PIP5K1C: variants seen among roughly 807,000 people sequenced by gnomAD.
The protein encoded by PIP5K1C is phosphatidylinositol 4-phosphate 5-kinase type-1 gamma.
Under a neutral mutation model 80.1 loss-of-function variants are expected in PIP5K1C, and 45 were observed. The ratio of observed to expected loss-of-function variants is 0.56; its 90% CI spans 0.44 to 0.72. The LOEUF is 0.72. PIP5K1C is among the 30% of genes least tolerant of loss of function. The probability of loss-of-function intolerance (pLI) is 0.00; values close to 1 mark genes in which losing one functional copy is unlikely to be tolerated. For missense variants in PIP5K1C, 753 were observed against 954.6 expected (o/e 0.79, Z 2.78); for synonymous variants, 498 against 420.1 (o/e 1.19, Z -2.27).
intron 15 of PIP5K1C, 47 bp downstream of exon 15, chr19:3,641,658 G>T: frequency 1.4e-6 from 2 of 1,434,906 alleles, no homozygotes; most frequent in Non-Finnish European, 1.9e-6. Flanking sequence ...GCTCCTCTGG[G>T]CCCGCAGCAG....
intron 3 of PIP5K1C, among the ~76,000 whole-genome samples, chr19:3,662,757 G>A (rs991422384): frequency 6.6e-6 from 1 of 152,128 alleles, no homozygotes; most frequent in Non-Finnish European, 1.5e-5. Flanking sequence ...GTAGAGACGG[G>A]GTTTCACCAT....
At chr19:3,654,064 C>T (rs1290569754) in intron 6 of PIP5K1C, among the ~76,000 whole-genome samples, 2 of 152,322 alleles carry the variant, frequency 1.3e-5, no homozygotes, top group East Asian at 1.9e-4. Flanking sequence ...TGCAACGGTG[C>T]GATCACAGCT....
At position 3,698,729 on chromosome 19, in the gene PIP5K1C, C is replaced by T. The variant is rs868807508; in HGVS notation, c.94+1568G>A. On this transcript the variant is annotated intron_variant, in intron 1 of 17. Transcript: ENST00000335312. Reference sequence around the variant, plus strand: ...ATCTCGGTGAAGAACAAGCAGGCCCCTTTATGTGCTCACGTCTCTGTGGCC... The same window carrying T: ...ATCTCGGTGAAGAACAAGCAGGCCCTTTTATGTGCTCACGTCTCTGTGGCC... Among the ~76,000 whole-genome samples, 8 of 152,128 alleles carry T rather than the reference C, an allele frequency of 5.3e-5. 1 individual carries two copies. The South Asian group carries it at 8.3e-4, about 16-fold the overall frequency.
intron 5 of PIP5K1C, among the ~76,000 whole-genome samples, chr19:3,660,066 C>T (rs921368911): frequency 1.4e-4 from 21 of 152,136 alleles, no homozygotes; most frequent in African/African-American, 4.8e-4. Flanking sequence ...GGTTGGATGC[C>T]GGGGCTCACG....
chr19:3,660,650 C>T (rs1427752972), intron 5 of PIP5K1C, among the ~76,000 whole-genome samples: 1 of 152,200 alleles, frequency 6.6e-6, no homozygotes, highest in East Asian at 1.9e-4. Context: ...CACCAGGCTG[C>T]AGAAGACTAT....
intron 8 of PIP5K1C, among the ~76,000 whole-genome samples, chr19:3,650,722 C>G (rs2034408186): frequency 6.6e-6 from 1 of 152,228 alleles, no homozygotes; most frequent in African/African-American, 2.4e-5. Context: ...ATGTGGCCTC[C>G]TCTCTCCACC....
At chr19:3,684,047 C>A (rs1342690853) in intron 1 of PIP5K1C, among the ~76,000 whole-genome samples, 2 of 152,016 alleles carry the variant, frequency 1.3e-5, no homozygotes, top group African/African-American at 4.8e-5. Flanking sequence ...CGGCCCCCAG[C>A]ACAGGAGAGG....
Position 3,700,426 on chromosome 19 carries a change from G to A in PIP5K1C, c.-36C>T, listed in dbSNP as rs569975073. ...GGACGGCGGCGGGGGCGCCCGAGGG[G>A]GACCCGAGCTGCGACCGCCGCCGCC... On this transcript the variant is annotated 5_prime_UTR_variant, in exon 1 of 18. Coordinates refer to ENST00000335312, the MANE Select transcript of PIP5K1C (RefSeq NM_012398.3). 145 of 1,043,070 alleles carry A rather than the reference G, an allele frequency of 1.4e-4. No individual in the cohort carries two copies. The African/African-American group carries it at 2.3e-3, about 16-fold the overall frequency. The allele number at this position is 1,043,070 out of a possible 1,614,324, so 64.6% of individuals were successfully genotyped here. A position where few individuals can be genotyped will look rare whatever the true frequency, so the allele number is the denominator to read the frequency against.
chr19:3,644,794 C>T (rs2034143209), intron 11 of PIP5K1C, among the ~76,000 whole-genome samples: 1 of 152,188 alleles, frequency 6.6e-6, no homozygotes, highest in Non-Finnish European at 1.5e-5. Flanking sequence ...ATGTCCCGCA[C>T]AGGGCCAGGC....
At position 3,656,567 on chromosome 19, in the gene PIP5K1C, G is replaced by C; in HGVS notation, c.469-10C>G. The C allele has an allele frequency of 6.2e-7, 1 of 1,613,128 alleles. No homozygotes were observed. Among genetic ancestry groups the C allele is most frequent in the Non-Finnish European group, 8.5e-7 (1 of 1,179,874 alleles). On this transcript the variant is annotated splice_polypyrimidine_tract_variant and intron_variant, in intron 5 of 17. Coordinates refer to ENST00000335312, the MANE Select transcript of PIP5K1C (RefSeq NM_012398.3). ...CATTGCACAGGGAGTACTGGAAGCA[G>C]AGGAGGCGGGTCAGCGGGCCCCAAG...
chr19:3,636,679 T>G (rs1240242952), intron 16 of PIP5K1C: 2 of 985,414 alleles, frequency 2.0e-6, no homozygotes. Flanking sequence ...GGGGAAGTGG[T>G]CTCCACCTCT....
Position 3,633,131 on chromosome 19 carries a change from G to A in PIP5K1C, c.*36C>T, listed in dbSNP as rs759540801. 2.6e-6 allele frequency: 2 copies of A among 757,326 alleles called. No homozygotes were observed. Among genetic ancestry groups the A allele is most frequent in the South Asian group, 2.8e-5 (2 of 71,272 alleles). The allele number at this position is 757,326 out of a possible 1,614,324, so 46.9% of individuals were successfully genotyped here. The stretch of plus-strand genomic sequence containing the variant: ...GCCTTCGGGGGCAGCCGGAGCAGAA[G>A]TGGAGCTCGGCTCTGGGTCGGGGGC... On this transcript the variant is annotated 3_prime_UTR_variant, in exon 18 of 18. Transcript: ENST00000335312.
At chr19:3,635,396 G>C (rs948929726) in intron 16 of PIP5K1C, among the ~76,000 whole-genome samples, 2 of 152,010 alleles carry the variant, frequency 1.3e-5, no homozygotes, top group African/African-American at 4.8e-5. Flanking sequence ...AAAATACAAA[G>C]ATTAAGGCCG....
Position 3,632,510 on chromosome 19 carries a change from G to A in PIP5K1C, c.*657C>T, listed in dbSNP as rs897087248. Reference sequence around the variant, plus strand: ...GAGGTTTTTGCTCGAGGGGCACCTGGGAGGTGGGCGTCAGGGCCCCACTGC... The same window carrying A: ...GAGGTTTTTGCTCGAGGGGCACCTGAGAGGTGGGCGTCAGGGCCCCACTGC... On this transcript the variant is annotated 3_prime_UTR_variant, in exon 18 of 18. Transcript: ENST00000335312. 1.3e-5 allele frequency: 2 copies of A among 152,386 alleles called. No homozygotes were observed. Among genetic ancestry groups the A allele is most frequent in the African/African-American group, 4.8e-5 (2 of 41,466 alleles). 9.4% of individuals were successfully genotyped at this position (152,386 alleles called of 1,614,324 possible).
intron 5 of PIP5K1C, among the ~76,000 whole-genome samples, chr19:3,656,903 C>T (rs4570993): frequency 0.54 from 81,843 of 152,106 alleles, 22,287 homozygotes; most frequent in East Asian, 0.68. Context: ...GCCACAACGC[C>T]AGCTCTGCCC....
chr19:3,638,024 GAGTT>G (rs1432660355), intron 16 of PIP5K1C: 3 of 1,493,432 alleles, frequency 2.0e-6, no homozygotes, highest in Non-Finnish European at 2.7e-6. Flanking sequence ...CAGAGCAGGG[GAGTT>G]AGTTATGAAG....
At chr19:3,641,996 G>A (rs559257212) in intron 14 of PIP5K1C, among the ~76,000 whole-genome samples, 187 bp from the exon 15 acceptor site, 56 of 152,318 alleles carry the variant, frequency 3.7e-4, no homozygotes, top group African/African-American at 1.3e-3. Context: ...TGACTGTGGT[G>A]CCAGCAGGGC....
chr19:3,685,332 G>A (rs568352384), intron 1 of PIP5K1C, among the ~76,000 whole-genome samples: 107 of 152,284 alleles, frequency 7.0e-4, no homozygotes, highest in Admixed American at 8.5e-4. Context: ...CAGGTAAAAA[G>A]ACAGGAGTCT....
rs1286587059 is a variant in PIP5K1C at position 3,698,544 on chromosome 19, A to C, written c.94+1753T>G. ...TTCTCACCAGGGCCGTCCTGCCCCC[A>C]GGGGACACTGAACGGTGTCTGGGTC... On this transcript the variant is annotated intron_variant, in intron 1 of 17. Coordinates refer to ENST00000335312, the MANE Select transcript of PIP5K1C (RefSeq NM_012398.3). 2.6e-5 allele frequency among the ~76,000 whole-genome samples: 4 copies of C among 152,336 alleles called. No homozygotes were observed. The South Asian group carries it at 8.3e-4, about 32-fold the overall frequency.
Sources: gnomAD v4.1 joint callset for allele counts (sites outside exome capture counted in the v4.1 genomes callset) on GRCh38, gnomAD v4.1.1 for gene constraint, MANE v1.5 for transcripts, NCBI Gene and HGNC (gene_info 2026-07-23, HGNC 2026-07-21) for gene names.